NSD2: variants seen among roughly 807,000 people sequenced by gnomAD.
NSD2 encodes nuclear receptor binding SET domain protein 2.
A neutral mutation model predicts 139.0 loss-of-function variants in NSD2; 12 were observed. The observed-to-expected ratio is 0.09, with a 90% CI of 0.06 to 0.14. The LOEUF (loss-of-function observed/expected upper bound fraction) is 0.14, where lower values mean the gene tolerates loss of function less well. Among genes scored for constraint, NSD2 ranks in the 10% least tolerant of loss-of-function variants. The pLI, the probability that NSD2 is intolerant of heterozygous loss-of-function variation, is 1.00. For missense variants in NSD2, 1,155 were observed against 1,745.0 expected, an observed-to-expected ratio of 0.66 and a Z score of 6.02; for synonymous variants, 669 against 648.7, an observed-to-expected ratio of 1.03 and a Z score of -0.48.
Position 1,875,927 on chromosome 4 carries a change from A to C in NSD2, c.-30+4385A>C, listed in dbSNP as rs1714223655. Among the ~76,000 whole-genome samples the C allele has an allele frequency of 2.0e-5, 3 of 148,390 alleles. No individual in the cohort carries two copies. The South Asian group carries it at 6.4e-4, about 32-fold the overall frequency. On this transcript the variant is annotated intron_variant, in intron 1 of 21. Transcript: ENST00000508803. ...ATCTCAAAAAAAAAGAATTCAAGAC[A>C]GATTTTGGCTGGGTGCGGTGGCTCA...
At chr4:1,935,629 G>A (rs1722296748) in intron 7 of NSD2, among the ~76,000 whole-genome samples, 1 of 152,158 alleles carries the variant, frequency 6.6e-6, no homozygotes, top group Admixed American at 6.5e-5. Flanking sequence ...GGAGGCCGAG[G>A]CAGGTGGATT....
intron 3 of NSD2, among the ~76,000 whole-genome samples, chr4:1,905,724 G>T (rs1717804703): frequency 6.6e-6 from 1 of 152,210 alleles, no homozygotes; most frequent in Non-Finnish European, 1.5e-5. Context: ...CTCCTGTCCT[G>T]TGCCATGTGT....
At chr4:1,883,067 A>G (rs373858386) in intron 1 of NSD2, among the ~76,000 whole-genome samples, 5 of 152,182 alleles carry the variant, frequency 3.3e-5, no homozygotes, top group East Asian at 1.9e-4. Context: ...AGTAAAATTG[A>G]TAAGTTGTGT....
intron 1 of NSD2, chr4:1,893,629 G>A: frequency 6.9e-6 from 1 of 145,066 alleles, no homozygotes; most frequent in Non-Finnish European, 1.5e-5. Flanking sequence ...TTGGCTCTCT[G>A]CAATCTCTGC....
At chr4:1,908,367 C>T (rs1028350596) in intron 3 of NSD2, among the ~76,000 whole-genome samples, 8 of 152,200 alleles carry the variant, frequency 5.3e-5, no homozygotes, top group South Asian at 2.1e-4. Flanking sequence ...CCTCAGCAGT[C>T]GGCTTCTCTA....
At chr4:1,978,589 G>C (rs531112574) in intron 21 of NSD2, 49 bp from the exon 22 acceptor site, 3 of 1,557,172 alleles carry the variant, frequency 1.9e-6, no homozygotes, top group Non-Finnish European at 2.6e-6. Flanking sequence ...TAATGTTGAA[G>C]TCGTGATTCC....
intron 21 of NSD2, 47 bp from the exon 22 acceptor site, chr4:1,978,591 C>T (rs1461146392): frequency 3.1e-5 from 49 of 1,557,642 alleles, no homozygotes; most frequent in South Asian, 1.2e-4. Flanking sequence ...ATGTTGAAGT[C>T]GTGATTCCAT....
chr4:1,894,676 A>T (rs1223449156), intron 1 of NSD2, among the ~76,000 whole-genome samples: 2 of 132,580 alleles, frequency 1.5e-5, no homozygotes, highest in African/African-American at 7.3e-5. Context: ...TGTCTCAATA[A>T]AAAAAAAAAA....
intron 9 of NSD2, 160 bp downstream of exon 9, chr4:1,939,938 A>G: frequency 6.7e-7 from 1 of 1,487,594 alleles, no homozygotes; most frequent in East Asian, 2.4e-5. Context: ...GATTCATGAA[A>G]TGGACAAACA....
Position 1,958,377 on chromosome 4 carries a change from G to T in NSD2, c.2985+341G>T, listed in dbSNP as rs757567692. Among the ~76,000 whole-genome samples the T allele has an allele frequency of 6.6e-6, 1 of 152,196 alleles. No homozygotes were observed. The highest frequency in any genetic ancestry group is 1.5e-5 in the Non-Finnish European group (1 of 68,022). ...CAAGTGCTGGGAGTCAGTCACATAC[G>T]GCCAGGGCTCAGTGACTGAGCCCCA... On this transcript the variant is annotated intron_variant, in intron 16 of 21. Transcript: ENST00000508803. This position sits in a 1 kb window ranked among gnomAD's most constrained non-coding sequence, Gnocchi z 4.6.
chr4:1,981,340 C>T lies in NSD2; in HGVS notation c.*2431C>T, dbSNP rs1166322882. Reference sequence around the variant, plus strand: ...GGTTTCTCGCCACTGGGGCTGACCACGCCCCCAGCTGTGACCGTGGGTGTG... The same window carrying T: ...GGTTTCTCGCCACTGGGGCTGACCATGCCCCCAGCTGTGACCGTGGGTGTG... On this transcript the variant is annotated 3_prime_UTR_variant, in exon 22 of 22. Coordinates refer to ENST00000508803, the MANE Select transcript of NSD2 (RefSeq NM_001042424.3). 4 of 233,304 alleles carry T rather than the reference C, an allele frequency of 1.7e-5. No individual in the cohort carries two copies. Among genetic ancestry groups the T allele is most frequent in the Non-Finnish European group, 3.4e-5 (4 of 118,144 alleles). 14.5% of individuals were successfully genotyped at this position (233,304 alleles called of 1,614,324 possible).
chr4:1,981,369 G>C lies in NSD2; in HGVS notation c.*2460G>C, dbSNP rs1033798924. 9 of 233,380 alleles carry C rather than the reference G, an allele frequency of 3.9e-5. No individual in the cohort carries two copies. Among genetic ancestry groups the C allele is most frequent in the African/African-American group, 1.5e-4 (7 of 45,352 alleles). 14.5% of individuals were successfully genotyped at this position (233,380 alleles called of 1,614,324 possible). A position where few individuals can be genotyped will look rare whatever the true frequency, so the allele number is the denominator to read the frequency against. On this transcript the variant is annotated 3_prime_UTR_variant, in exon 22 of 22. Coordinates refer to ENST00000508803, the MANE Select transcript of NSD2 (RefSeq NM_001042424.3). ...CCCAGCTGTGACCGTGGGTGTGGCTGGCTCTCGGCCCTGCCCAGCTTTGTT... is the reference window on the plus strand; with the variant it reads ...CCCAGCTGTGACCGTGGGTGTGGCTCGCTCTCGGCCCTGCCCAGCTTTGTT...
At chr4:1,924,400 C>A (rs1030812300) in intron 5 of NSD2, among the ~76,000 whole-genome samples, 1 of 151,860 alleles carries the variant, frequency 6.6e-6, no homozygotes, top group Non-Finnish European at 1.5e-5. Flanking sequence ...GTATGTTGCT[C>A]GGCTGTGTCT....
At chr4:1,945,664 A>T (rs1379302010) in intron 9 of NSD2, 1 of 1,063,764 alleles carries the variant, frequency 9.4e-7, no homozygotes, top group African/African-American at 1.6e-5. Flanking sequence ...CAGTATAAGC[A>T]TTTCCAAATG....
chr4:1,980,485 C>T lies in NSD2; in HGVS notation c.*1576C>T, dbSNP rs1727650431. The T allele has an allele frequency of 4.3e-6, 1 of 233,104 alleles. No individual in the cohort carries two copies. Among genetic ancestry groups the T allele is most frequent in the Admixed American group, 5.6e-5 (1 of 17,774 alleles). The allele number at this position is 233,104 out of a possible 1,614,324, so 14.4% of individuals were successfully genotyped here. A position where few individuals can be genotyped will look rare whatever the true frequency, so the allele number is the denominator to read the frequency against. ...AAGTTTACAGAACTCCCCTTGAAAA[C>T]TGCTGCTGAGGCTCCTGTTAAATTT... On this transcript the variant is annotated 3_prime_UTR_variant, in exon 22 of 22. Transcript: ENST00000508803.
chr4:1,980,026 G>A lies in NSD2; in HGVS notation c.*1117G>A. Reference sequence around the variant, plus strand: ...TCCATCTCAGCACTCTGTGGGTCTGGTGATGGAAGATGCAGTCTCTGCTGA... The same window carrying A: ...TCCATCTCAGCACTCTGTGGGTCTGATGATGGAAGATGCAGTCTCTGCTGA... On this transcript the variant is annotated 3_prime_UTR_variant, in exon 22 of 22. Transcript: ENST00000508803. The A allele has an allele frequency of 4.3e-6, 1 of 233,078 alleles. No homozygotes were observed. Among genetic ancestry groups the A allele is most frequent in the Non-Finnish European group, 8.5e-6 (1 of 117,912 alleles). 14.4% of individuals were successfully genotyped at this position (233,078 alleles called of 1,614,324 possible).
chr4:1,954,186 T>C (rs1228564434), intron 12 of NSD2, among the ~76,000 whole-genome samples: 3 of 152,090 alleles, frequency 2.0e-5, no homozygotes, highest in African/African-American at 7.2e-5. Flanking sequence ...GGTTTCATCA[T>C]GTTGGTCAGG....
At chr4:1,951,445 CACACACACACACA>C (rs1724228479) in intron 10 of NSD2, among the ~76,000 whole-genome samples, 6,951 of 99,536 alleles carry the variant, frequency 0.07, 1,543 homozygotes, top group South Asian at 0.09. Context: ...TCATGTAATA[CACACACACACACA>C]CACACACACA....
At chr4:1,968,119 C>A (rs933487812) in intron 18 of NSD2, among the ~76,000 whole-genome samples, 1 of 152,188 alleles carries the variant, frequency 6.6e-6, no homozygotes, top group African/African-American at 2.4e-5. Context: ...CTCTGCTTAT[C>A]TGTGACTTCA....
Sources: gnomAD v4.1 joint callset for allele counts (sites outside exome capture counted in the v4.1 genomes callset) on GRCh38, gnomAD v4.1.1 for gene constraint, Gnocchi (gnomAD v3.1) non-coding constraint, MANE v1.5 for transcripts, NCBI Gene and HGNC (gene_info 2026-07-23, HGNC 2026-07-21) for gene names.